DNA2: variants seen among roughly 807,000 people sequenced by gnomAD.
DNA2 encodes the protein DNA replication helicase/nuclease 2.
DNA2 carries 101 observed loss-of-function variants against 119.1 expected under a neutral mutation model. The observed-to-expected ratio is 0.85, with a 90% CI of 0.72 to 1.00. The LOEUF (loss-of-function observed/expected upper bound fraction) is 1.00. DNA2 is among the 50% of genes least tolerant of loss of function. DNA2 has a pLI of 0.00. For missense variants in DNA2, 1,121 were observed against 1,255.5 expected (o/e 0.89, Z 1.62); for synonymous variants, 366 against 424.4 (o/e 0.86, Z 1.69).
intron 3 of DNA2, 131 bp downstream of exon 3, chr10:68,467,992 C>T: frequency 1.5e-6 from 1 of 668,456 alleles, no homozygotes. Flanking sequence ...TTTTCCTCAT[C>T]TATAAAATGC....
At chr10:68,454,022 C>G (rs1000785168) in intron 5 of DNA2, among the ~76,000 whole-genome samples, 3 of 152,090 alleles carry the variant, frequency 2.0e-5, no homozygotes, top group Non-Finnish European at 4.4e-5. Flanking sequence ...TCTGTGATGC[C>G]CTTCTTCCAG....
chr10:68,419,682 G>T, intron 18 of DNA2, 121 bp downstream of exon 18: 3 of 678,622 alleles, frequency 4.4e-6, no homozygotes, highest in Non-Finnish European at 7.6e-6. Context: ...AAAACAATGG[G>T]GCTTCAATCC....
Position 68,422,365 on chromosome 10 carries a change from CT to C in DNA2, c.2556del (p.Val853TrpfsTer5). 1 of 1,613,908 alleles carries C rather than the reference CT, an allele frequency of 6.2e-7. No homozygotes were observed. Among genetic ancestry groups the C allele is most frequent in the Non-Finnish European group, 8.5e-7 (1 of 1,179,886 alleles). On this transcript the variant is annotated frameshift_variant, in exon 17 of 21. Transcript: ENST00000358410. LOFTEE classifies it high-confidence loss of function. ...CGTAGGTTTATCACTGCATTGGCCA[CT>C]TTGTCTGATCCACACTCCAGCTTGC... Reference protein sequence around the residue: ...YEGKLECGSDKVANAVINLRH... With the variant: ...YEGKLECGSDXVANAVINLRH...
In DNA2 at chr10:68,414,337, A is replaced by AC. The variant is rs1408546114; in HGVS notation, c.*701dup. On this transcript the variant is annotated 3_prime_UTR_variant, in exon 21 of 21. Coordinates refer to ENST00000358410, the MANE Select transcript of DNA2 (RefSeq NM_001080449.3). ...CACAAAAAAGGGAAAACTGAGTGAT[A>AC]CCCCCAAACATAGGGGCATATGAAC... The AC allele has an allele frequency of 8.5e-5, 13 of 152,100 alleles. No homozygotes were observed. Among genetic ancestry groups the AC allele is most frequent in the Non-Finnish European group, 1.8e-4 (12 of 68,020 alleles). The allele number at this position is 152,100 out of a possible 1,614,324, so 9.4% of individuals were successfully genotyped here.
chr10:68,441,549 G>A (rs1336150030), intron 9 of DNA2, among the ~76,000 whole-genome samples: 3 of 152,096 alleles, frequency 2.0e-5, no homozygotes, highest in African/African-American at 7.2e-5. Context: ...AGGCTGAGGT[G>A]GGTGGATCAC....
chr10:68,422,592 C>T lies in DNA2; in HGVS notation c.2415G>A (p.Met805Ile), dbSNP rs2051679778. The change falls in exon 16 of 21, where the codon ATG becomes ATA. Residue 805 changes from methionine (M) to isoleucine (I), a missense_variant. Coordinates refer to ENST00000358410, the MANE Select transcript of DNA2 (RefSeq NM_001080449.3). ...CCAGCCTCTTGAATAAGCTTTCACT[C>T]ATGCCAAGAGCTCTGTCAATAAATC... ...VLNREARALG[M>I]SESLFKRLEQ... is the part of the protein sequence containing the mutation. 2 of 1,613,986 alleles carry T rather than the reference C, an allele frequency of 1.2e-6. No homozygotes were observed. Among genetic ancestry groups the T allele is most frequent in the Non-Finnish European group, 1.7e-6 (2 of 1,179,866 alleles).
chr10:68,444,719 C>A (rs1291918986), intron 8 of DNA2, among the ~76,000 whole-genome samples: 1 of 102,370 alleles, frequency 9.8e-6, no homozygotes, highest in Admixed American at 1.0e-4. Context: ...AGCAAAAAGT[C>A]CGTCTCAAAA....
intron 14 of DNA2, among the ~76,000 whole-genome samples, chr10:68,425,574 T>G (rs2051729325): frequency 6.6e-6 from 1 of 151,690 alleles, no homozygotes; most frequent in African/African-American, 2.4e-5. Flanking sequence ...GCTAATTTGT[T>G]GTATTTTTAG....
In DNA2 at chr10:68,448,009, AAAAC is replaced by A. The variant is rs538824971; in HGVS notation, c.940-1600_940-1597del. ...AAAAAAAAAAAAATTTAATTTACAC[AAAAC>A]AAACATAGTTCATGCTTCTCAGTTT... On this transcript the variant is annotated intron_variant, in intron 6 of 20. Coordinates refer to ENST00000358410, the MANE Select transcript of DNA2 (RefSeq NM_001080449.3). 9.2e-5 allele frequency among the ~76,000 whole-genome samples: 14 copies of A among 152,070 alleles called. No individual in the cohort carries two copies. The South Asian group carries it at 2.7e-3, about 29-fold the overall frequency.
At chr10:68,419,766 A>G (rs761265815) in intron 18 of DNA2, 37 bp downstream of exon 18, 1 of 1,440,706 alleles carries the variant, frequency 6.9e-7, no homozygotes, top group Non-Finnish European at 9.8e-7. Context: ...TTTATTCTGC[A>G]CTTTAATATT....
At chr10:68,458,099 G>A (rs1395728998) in intron 5 of DNA2, among the ~76,000 whole-genome samples, 2 of 151,996 alleles carry the variant, frequency 1.3e-5, no homozygotes, top group Non-Finnish European at 2.9e-5. Context: ...CTTGAACCCA[G>A]GAGGTGGAGG....
At chr10:68,463,750 G>A (rs2052291721) in intron 4 of DNA2, among the ~76,000 whole-genome samples, 1 of 151,530 alleles carries the variant, frequency 6.6e-6, no homozygotes, top group Admixed American at 6.6e-5. Context: ...ATCAGACATT[G>A]AGACTTCAGG....
Position 68,446,282 on chromosome 10 carries a change from A to T in DNA2, c.1057+14T>A, listed in dbSNP as rs1564889133. ...GTGGGCAAAGAAGTAAAACTAAAAA[A>T]AAAACGGCTCAACCTCTTTTATCTA... is the stretch of plus-strand genomic sequence containing the variant. On this transcript the variant is annotated intron_variant, in intron 7 of 20. Coordinates refer to ENST00000358410, the MANE Select transcript of DNA2 (RefSeq NM_001080449.3). The T allele has an allele frequency of 6.7e-7, 1 of 1,499,268 alleles. No homozygotes were observed. The highest frequency in any genetic ancestry group is 9.0e-7 in the Non-Finnish European group (1 of 1,106,008). The allele number at this position is 1,499,268 out of a possible 1,614,324, so 92.9% of individuals were successfully genotyped here.
chr10:68,419,004 A>G, intron 19 of DNA2, 30 bp downstream of exon 19: 3 of 1,551,364 alleles, frequency 1.9e-6, no homozygotes, highest in East Asian at 2.4e-5. Context: ...AATGCCCCAA[A>G]TGAATCAGTA....
intron 5 of DNA2, among the ~76,000 whole-genome samples, chr10:68,452,675 G>T (rs921573403): frequency 6.7e-6 from 1 of 150,372 alleles, no homozygotes; most frequent in Non-Finnish European, 1.5e-5. Flanking sequence ...GGGCTCAAGA[G>T]ATCCTCCCGC....
intron 4 of DNA2, among the ~76,000 whole-genome samples, chr10:68,462,196 C>A (rs763217257): frequency 9.2e-5 from 14 of 152,006 alleles, no homozygotes; most frequent in Non-Finnish European, 1.6e-4. Flanking sequence ...TATGGTGAAA[C>A]CCTGTCTCTA....
At position 68,446,425 on chromosome 10, in the gene DNA2, T is replaced by C. The variant is rs761877753; in HGVS notation, c.940-12A>G. 16 of 1,503,344 alleles carry C rather than the reference T, an allele frequency of 1.1e-5. No individual in the cohort carries two copies. The highest frequency in any genetic ancestry group is 2.8e-5 in the African/African-American group (2 of 72,100). The allele number at this position is 1,503,344 out of a possible 1,614,324, so 93.1% of individuals were successfully genotyped here. ...GTGTACAGAACAACCTGTGCAAACA[T>C]TGACATTTGCTCAAACAAAACTATA... is the stretch of plus-strand genomic sequence containing the variant. On this transcript the variant is annotated splice_polypyrimidine_tract_variant and intron_variant, in intron 6 of 20. Coordinates refer to ENST00000358410, the MANE Select transcript of DNA2 (RefSeq NM_001080449.3).
intron 14 of DNA2, among the ~76,000 whole-genome samples, chr10:68,426,377 A>G (rs2051741131): frequency 6.6e-6 from 1 of 151,634 alleles, no homozygotes; most frequent in Admixed American, 6.6e-5. Flanking sequence ...ATCTCTATTA[A>G]AAATACAAAA....
At chr10:68,424,713 G>A (rs1397510095) in intron 14 of DNA2, 4 of 1,601,802 alleles carry the variant, frequency 2.5e-6, no homozygotes, top group African/African-American at 2.7e-5. Context: ...CATCCGCAAG[G>A]ACGACGAGGT....
Sources: gnomAD v4.1 joint callset for allele counts (sites outside exome capture counted in the v4.1 genomes callset) on GRCh38, gnomAD v4.1.1 for gene constraint, MANE v1.5 for transcripts, NCBI Gene and HGNC (gene_info 2026-07-23, HGNC 2026-07-21) for gene names.